The following ADAMTSL1 variants were observed in gnomAD, a reference collection of about 807,000 sequenced individuals.
ADAMTSL1 encodes ADAMTS-like protein 1.
Under a neutral mutation model 201.8 loss-of-function variants are expected in ADAMTSL1, and 126 were observed. That is an observed-to-expected ratio of 0.62 (90% CI 0.54 to 0.72). ADAMTSL1 has a LOEUF of 0.72. ADAMTSL1 is among the 30% of genes least tolerant of loss of function. The probability of loss-of-function intolerance (pLI) is 0.00; values close to 1 mark genes in which losing one functional copy is unlikely to be tolerated. For missense variants in ADAMTSL1, 2,679 were observed against 2,277.8 expected (o/e 1.18, Z -3.59); for synonymous variants, 1,121 against 903.4 (o/e 1.24, Z -4.32).
At chr9:18,131,750 C>T (rs964750886) in intron 1 of ADAMTSL1, among the ~76,000 whole-genome samples, 5 of 151,908 alleles carry the variant, frequency 3.3e-5, no homozygotes, top group Non-Finnish European at 2.9e-5. Context: ...TGATGACTCC[C>T]GAATAAAACA....
chr9:18,364,426 A>C (rs141098963), intron 2 of ADAMTSL1, among the ~76,000 whole-genome samples: 1 of 152,304 alleles, frequency 6.6e-6, no homozygotes, highest in East Asian at 1.9e-4. Context: ...CAGGGGTAGA[A>C]GCAAACCCCA....
chr9:18,795,343 C>G (rs897516154), intron 19 of ADAMTSL1, 54 bp from the exon 20 acceptor site: 2 of 1,605,916 alleles, frequency 1.2e-6, no homozygotes, highest in Admixed American at 1.7e-5. Context: ...TATTGAATGC[C>G]AAAAAGGAGT....
rs772494622 is a variant in ADAMTSL1, at chr9:18,114,814, G to A, written c.88-49048G>A. ...GCAGGAAAAAGCACGTCTAAAGACA[G>A]TGGTGAAGGCTGAAGGGAATGTGGG... On this transcript the variant is annotated intron_variant, in intron 1 of 29. Coordinates refer to the ADAMTSL1 transcript ENST00000680146. Among the ~76,000 whole-genome samples the A allele has an allele frequency of 4.6e-5, 7 of 152,326 alleles. No individual in the cohort carries two copies. The East Asian group carries it at 5.8e-4, about 13-fold the overall frequency.
At chr9:18,279,299 A>G (rs899005275) in intron 2 of ADAMTSL1, among the ~76,000 whole-genome samples, 1 of 151,810 alleles carries the variant, frequency 6.6e-6, no homozygotes, top group Non-Finnish European at 1.5e-5. Context: ...TACATGTTTT[A>G]TTCATATTTG....
intron 1 of ADAMTSL1, among the ~76,000 whole-genome samples, chr9:18,033,856 C>T (rs556821525): frequency 6.6e-6 from 1 of 152,300 alleles, no homozygotes; most frequent in South Asian, 2.1e-4. Flanking sequence ...CCACATAACC[C>T]AACATAGTAG....
chr9:18,011,577 C>A lies in ADAMTSL1; in HGVS notation c.87+104655C>A, dbSNP rs1042886235. Among the ~76,000 whole-genome samples, 3 of 152,152 alleles carry A rather than the reference C, an allele frequency of 2.0e-5. No homozygotes were observed. The South Asian group carries it at 6.2e-4, about 32-fold the overall frequency. On this transcript the variant is annotated intron_variant, in intron 1 of 29. Transcript: ENST00000680146. ...AATCTGCCTTCTCACTCTCTTAACT[C>A]TTTTGCTAGATGGCACTTGAGCCTG...
chr9:18,243,975 G>T (rs991944313), intron 2 of ADAMTSL1, among the ~76,000 whole-genome samples: 1 of 151,980 alleles, frequency 6.6e-6, no homozygotes, highest in Non-Finnish European at 1.5e-5. Context: ...AGATGTCAAA[G>T]GTATGCATCC....
chr9:18,103,259 T>G (rs1351636575), intron 1 of ADAMTSL1, among the ~76,000 whole-genome samples: 1 of 152,184 alleles, frequency 6.6e-6, no homozygotes, highest in Non-Finnish European at 1.5e-5. Flanking sequence ...ATATTTTACA[T>G]GTTCAGGACT....
At chr9:18,536,131 A>C (rs948387949) in intron 3 of ADAMTSL1, among the ~76,000 whole-genome samples, 12 of 152,198 alleles carry the variant, frequency 7.9e-5, no homozygotes, top group Non-Finnish European at 1.5e-4. Flanking sequence ...TTGCGAAAAA[A>C]CACACAAAAA....
chr9:18,106,253 C>A (rs1824757632), intron 1 of ADAMTSL1, among the ~76,000 whole-genome samples: 1 of 152,198 alleles, frequency 6.6e-6, no homozygotes, highest in South Asian at 2.1e-4. Flanking sequence ...GAGTGTGAGC[C>A]TCATATGAAA....
At chr9:18,286,493 C>T (rs998568987) in intron 2 of ADAMTSL1, among the ~76,000 whole-genome samples, 8 of 152,090 alleles carry the variant, frequency 5.3e-5, no homozygotes, top group Admixed American at 5.2e-4. Context: ...AGCAAGAAAT[C>T]CTTATAGCCC....
intron 13 of ADAMTSL1, among the ~76,000 whole-genome samples, chr9:18,704,207 G>C (rs1440142495): frequency 1.3e-5 from 2 of 152,058 alleles, no homozygotes; most frequent in African/African-American, 4.8e-5. Context: ...ACACTAATTT[G>C]TTTACATATT....
intron 9 of ADAMTSL1, among the ~76,000 whole-genome samples, chr9:18,664,764 C>G (rs975389230): frequency 9.9e-5 from 15 of 152,032 alleles, no homozygotes; most frequent in Non-Finnish European, 1.6e-4. Flanking sequence ...AGTCTATAAC[C>G]TTATATTTAT....
At chr9:18,173,048 G>A (rs1232059144) in intron 2 of ADAMTSL1, among the ~76,000 whole-genome samples, 4 of 151,996 alleles carry the variant, frequency 2.6e-5, no homozygotes, top group African/African-American at 9.7e-5. Context: ...TCTATAATGT[G>A]TTACTGATTT....
intron 23 of ADAMTSL1, among the ~76,000 whole-genome samples, chr9:18,830,676 C>T (rs538155928): frequency 6.6e-6 from 1 of 152,136 alleles, no homozygotes; most frequent in Non-Finnish European, 1.5e-5. Context: ...CACATGACCT[C>T]TGGAGACGGA....
rs150956986 is a variant in ADAMTSL1 at position 18,534,320 on chromosome 9, G to A, written c.237+1028G>A. Among the ~76,000 whole-genome samples, 765 of 152,170 alleles carry A rather than the reference G, an allele frequency of 5.0e-3. 23 individuals are homozygous for A. The South Asian group carries it at 0.056, about 11-fold the overall frequency. ...GAGGCAGGAGGATCCCTTTAGCCCA[G>A]GAGTTCAAGACCATCCTGGGGAGCA... On this transcript the variant is annotated intron_variant, in intron 3 of 28. Coordinates refer to ENST00000380548, the MANE Select transcript of ADAMTSL1 (RefSeq NM_001040272.6).
At chr9:18,294,630 T>C in intron 2 of ADAMTSL1, among the ~76,000 whole-genome samples, 1 of 152,236 alleles carries the variant, frequency 6.6e-6, no homozygotes, top group Admixed American at 6.5e-5. Context: ...GGGAAAATGC[T>C]GTGGGAATGC....
At chr9:18,268,549 G>A (rs931637366) in intron 2 of ADAMTSL1, among the ~76,000 whole-genome samples, 4 of 152,052 alleles carry the variant, frequency 2.6e-5, no homozygotes, top group Non-Finnish European at 5.9e-5. Context: ...ATCCTCTCTG[G>A]GCTGACAATG....
intron 1 of ADAMTSL1, among the ~76,000 whole-genome samples, chr9:18,108,465 G>T (rs1184614183): frequency 6.6e-6 from 1 of 152,094 alleles, no homozygotes; most frequent in Non-Finnish European, 1.5e-5. Context: ...CTCCCAAAGT[G>T]TTGGGATTAC....
Sources: allele counts gnomAD v4.1 joint callset (sites outside exome capture counted in the v4.1 genomes callset), GRCh38; gene constraint gnomAD v4.1.1; transcripts MANE v1.5; gene names NCBI Gene and HGNC (gene_info 2026-07-23, HGNC 2026-07-21).